Variants in DLGAP1 observed in about 807,000 individuals in gnomAD.
DLGAP1 encodes the protein disks large-associated protein 1.
In DLGAP1, 11 loss-of-function variants were observed where a neutral mutation model predicts 90.8. That is an observed-to-expected ratio of 0.12 (90% CI 0.08 to 0.20). The LOEUF (loss-of-function observed/expected upper bound fraction) is 0.20. DLGAP1 is among the 10% of genes least tolerant of loss of function. The pLI is 1.00. For synonymous variants in DLGAP1, 558 were observed against 540.7 expected, an observed-to-expected ratio of 1.03 and a Z score of -0.44; for missense variants, 1,050 against 1,333.8, an observed-to-expected ratio of 0.79 and a Z score of 3.31.
intron 3 of DLGAP1, chr18:3,986,702 A>G (rs1013010903): frequency 3.3e-5 from 5 of 152,216 alleles, no homozygotes; most frequent in East Asian, 3.8e-4. Context: ...CAGAGTTCCA[A>G]TTATAGTGTA....
chr18:4,053,961 A>G (rs764081329), intron 2 of DLGAP1, among the ~76,000 whole-genome samples: 9 of 152,228 alleles, frequency 5.9e-5, no homozygotes, highest in Non-Finnish European at 1.2e-4. Flanking sequence ...ACTTGAAGCA[A>G]GGGTATTCCA....
At chr18:4,322,945 A>G (rs1254030287) in intron 1 of DLGAP1, among the ~76,000 whole-genome samples, 1 of 41,812 alleles carries the variant, frequency 2.4e-5, no homozygotes, top group Non-Finnish European at 4.3e-5. Flanking sequence ...TGGGCACAGA[A>G]AAAAAAAAAA....
rs1319804393 is a variant in DLGAP1, at chr18:3,926,082, C to T, written c.-72-45942G>A. ...AGGATTGCCTATGTGTTAAAGGAGG[C>T]TATGTTTCTCATTGCCAGAGAAGGA... On this transcript the variant is annotated intron_variant, in intron 3 of 12. Transcript: ENST00000315677. 4.6e-5 allele frequency among the ~76,000 whole-genome samples: 7 copies of T among 152,168 alleles called. No individual in the cohort carries two copies. The East Asian group carries it at 1.3e-3, about 29-fold the overall frequency.
intron 1 of DLGAP1, among the ~76,000 whole-genome samples, chr18:4,207,219 T>G (rs2077738169): frequency 6.6e-6 from 1 of 152,078 alleles, no homozygotes; most frequent in Admixed American, 6.6e-5. Flanking sequence ...CTCAGGGAAC[T>G]TACAACAATG....
intron 4 of DLGAP1, among the ~76,000 whole-genome samples, chr18:3,822,556 G>A (rs1327487266): frequency 3.3e-5 from 5 of 152,182 alleles, no homozygotes; most frequent in African/African-American, 7.2e-5. Flanking sequence ...AAGCTGAGTC[G>A]AGTATTAAAT....
chr18:4,422,988 A>G (rs2083074089), intron 1 of DLGAP1, among the ~76,000 whole-genome samples: 1 of 152,146 alleles, frequency 6.6e-6, no homozygotes, highest in African/African-American at 2.4e-5. Flanking sequence ...TGATTAGCAT[A>G]ATGATTAGTG....
At chr18:3,669,332 AC>A (rs964875604) in intron 7 of DLGAP1, among the ~76,000 whole-genome samples, 7 of 151,870 alleles carry the variant, frequency 4.6e-5, no homozygotes, top group African/African-American at 1.5e-4. Context: ...CTAGGGCTCT[AC>A]CCCCACGGAC....
intron 4 of DLGAP1, among the ~76,000 whole-genome samples, chr18:3,845,797 C>A (rs1231665047): frequency 6.6e-6 from 1 of 152,146 alleles, no homozygotes; most frequent in African/African-American, 2.4e-5. Flanking sequence ...TGCACATGCA[C>A]AAATTGGATA....
At chr18:4,445,066 C>T (rs2083627307) in intron 1 of DLGAP1, among the ~76,000 whole-genome samples, 1 of 152,160 alleles carries the variant, frequency 6.6e-6, no homozygotes, top group Non-Finnish European at 1.5e-5. Flanking sequence ...CCTTAATTAG[C>T]ACCTCAAATG....
chr18:4,149,640 T>C (rs2076640724), intron 2 of DLGAP1, among the ~76,000 whole-genome samples: 1 of 152,222 alleles, frequency 6.6e-6, no homozygotes, highest in Non-Finnish European at 1.5e-5. Flanking sequence ...GCCTGAGCTC[T>C]GCCTCTTGTG....
chr18:4,244,879 T>C (rs1232823876), intron 1 of DLGAP1, among the ~76,000 whole-genome samples: 4 of 152,222 alleles, frequency 2.6e-5, no homozygotes, highest in Non-Finnish European at 4.4e-5. Flanking sequence ...GCCAAGTACT[T>C]AGAATAGCCT....
At position 4,135,751 on chromosome 18, in the gene DLGAP1, C is replaced by T. The variant is rs9962485; in HGVS notation, c.-159+15429G>A. Reference sequence around the variant, plus strand: ...TTATTTCACTTAACACAATGACCTCCAGTTCTATCCATGTTGTTGTAAATG... The same window carrying T: ...TTATTTCACTTAACACAATGACCTCTAGTTCTATCCATGTTGTTGTAAATG... On this transcript the variant is annotated intron_variant, in intron 2 of 12. Transcript: ENST00000315677. Among the ~76,000 whole-genome samples the T allele has an allele frequency of 6.5e-3, 957 of 148,040 alleles. 10 individuals carry two copies. The highest frequency in any genetic ancestry group is 0.022 in the African/African-American group (884 of 39,864).
chr18:3,518,430 G>T (rs193042919), intron 10 of DLGAP1, among the ~76,000 whole-genome samples: 2 of 151,952 alleles, frequency 1.3e-5, no homozygotes, highest in African/African-American at 4.8e-5. Flanking sequence ...AATTACCAAA[G>T]TCTGACACAA....
At position 4,418,649 on chromosome 18, in the gene DLGAP1, T is replaced by C. The variant is rs183709188; in HGVS notation, c.-267+36357A>G. 1.2e-4 allele frequency among the ~76,000 whole-genome samples: 18 copies of C among 152,156 alleles called. No homozygotes were observed. In the East Asian group the frequency reaches 3.3e-3, roughly 28 times the overall value. ...AATTTGAAGATAGATCAATAGAAAC[T>C]ACTCAAATAGAAATATATAGAGAAA... is the stretch of plus-strand genomic sequence containing the variant. On this transcript the variant is annotated intron_variant, in intron 1 of 12. Coordinates refer to ENST00000315677, the MANE Select transcript of DLGAP1 (RefSeq NM_004746.4).
chr18:3,601,659 A>G (rs577426039), intron 7 of DLGAP1, among the ~76,000 whole-genome samples: 20 of 151,578 alleles, frequency 1.3e-4, no homozygotes, highest in African/African-American at 4.4e-4. Flanking sequence ...CCTGACCAAC[A>G]TGGTGAAACC....
At chr18:4,310,698 G>A (rs2080377739) in intron 1 of DLGAP1, among the ~76,000 whole-genome samples, 1 of 152,118 alleles carries the variant, frequency 6.6e-6, no homozygotes, top group South Asian at 2.1e-4. Flanking sequence ...GGCATATAAC[G>A]ATGCACTCAG....
intron 4 of DLGAP1, among the ~76,000 whole-genome samples, chr18:3,841,371 G>C (rs2068705469): frequency 6.6e-6 from 1 of 152,162 alleles, no homozygotes; most frequent in Non-Finnish European, 1.5e-5. Context: ...ACAGCACAAA[G>C]GGAAGTACTT....
chr18:4,334,258 A>C (rs1053162720), intron 1 of DLGAP1, among the ~76,000 whole-genome samples: 5 of 151,748 alleles, frequency 3.3e-5, no homozygotes, highest in African/African-American at 9.7e-5. Context: ...CAAACAAACA[A>C]AAAAACAACG....
intron 1 of DLGAP1, among the ~76,000 whole-genome samples, chr18:4,382,483 T>C (rs998469909): frequency 3.4e-5 from 3 of 87,298 alleles, no homozygotes; most frequent in African/African-American, 1.0e-4. Flanking sequence ...AAAACAGCAT[T>C]ATGCTTTTTT....
Sources: allele counts gnomAD v4.1 joint callset (sites outside exome capture counted in the v4.1 genomes callset), GRCh38; gene constraint gnomAD v4.1.1; transcripts MANE v1.5; gene names NCBI Gene and HGNC (gene_info 2026-07-23, HGNC 2026-07-21).